Variants in SHANK1 observed in about 807,000 individuals in gnomAD.
SHANK1 encodes SH3 and multiple ankyrin repeat domains protein 1.
A neutral mutation model predicts 165.6 loss-of-function variants in SHANK1; 35 were observed. That is an observed-to-expected ratio of 0.21 (90% CI 0.16 to 0.28). The LOEUF is 0.28. SHANK1 is among the 10% of genes least tolerant of loss of function. The pLI is 1.00. For synonymous variants in SHANK1, 1,428 were observed against 1,384.8 expected, an observed-to-expected ratio of 1.03 and a Z score of -0.69; for missense variants, 2,681 against 3,036.4, an observed-to-expected ratio of 0.88 and a Z score of 2.75.
At chr19:50,684,802 C>A (rs1220518507) in intron 21 of SHANK1, among the ~76,000 whole-genome samples, 3 of 152,106 alleles carry the variant, frequency 2.0e-5, no homozygotes, top group Non-Finnish European at 2.9e-5. Context: ...TTATGCGCCT[C>A]GTGATTTTGA....
In SHANK1 at chr19:50,667,924, C is replaced by T. The variant is rs1427450220; in HGVS notation, c.4036G>A (p.Ala1346Thr). ...RPLVHPLTGK[A>T]LDPASPLGLA... is the part of the protein sequence containing the mutation. ...CCCAGCGGGGAGGCGGGATCCAGGG[C>T]CTTGCCGGTCAGCGGGTGCACCAGG... The change falls in exon 23 of 24, where the codon GCC (alanine) becomes ACC (threonine). Residue 1346 changes from alanine (A) to threonine (T), a missense_variant. Coordinates refer to ENST00000293441, the MANE Select transcript of SHANK1 (RefSeq NM_016148.5). The surrounding 1 kb of genome is among the most constrained non-coding windows in gnomAD (Gnocchi z 5.7). 1.5e-5 allele frequency: 20 copies of T among 1,366,712 alleles called. No homozygotes were observed. Among genetic ancestry groups the T allele is most frequent in the Non-Finnish European group, 1.9e-5 (20 of 1,065,646 alleles). The allele number at this position is 1,366,712 out of a possible 1,614,324, so 84.7% of individuals were successfully genotyped here. A position where few individuals can be genotyped will look rare whatever the true frequency, so the allele number is the denominator to read the frequency against.
rs1479704855 is a variant in SHANK1 at position 50,697,122 on chromosome 19, G to A, written c.1938C>T (p.Ser646=). 6 of 1,612,164 alleles carry A rather than the reference G, an allele frequency of 3.7e-6. No individual in the cohort carries two copies. In the East Asian group the frequency reaches 1.1e-4, roughly 30 times the overall value. The change falls in exon 15 of 24, where the codon AGC becomes AGT. Residue 646 remains serine, a splice_region_variant and synonymous_variant. Coordinates refer to ENST00000293441, the MANE Select transcript of SHANK1 (RefSeq NM_016148.5). The surrounding 1 kb of genome is among the most constrained non-coding windows in gnomAD (Gnocchi z 4.7). ...TCCCTGGGCCAATCCCATCCATTAA[G>A]CTTCCGAAGCAAGTCAGCCAGCAGC... ...VGSYDSFDAP[S]LMDGIGPGSD... is the part of the protein sequence containing the mutation.
rs1985193066 is a variant in SHANK1 at position 50,661,013 on chromosome 19, A to C, written c.*952T>G. On this transcript the variant is annotated 3_prime_UTR_variant, in exon 24 of 24. Transcript: ENST00000293441. ...GTGGAAGAATCTGGGGTTTTTAAGA[A>C]TAAGAAGGGAAAGTGCTTCAACGTA... 6.6e-6 allele frequency among the ~76,000 whole-genome samples: 1 copy of C among 151,962 alleles called. No homozygotes were observed. Among genetic ancestry groups the C allele is most frequent in the Admixed American group, 6.6e-5 (1 of 15,240 alleles).
At chr19:50,674,814 C>G (rs528697444) in intron 21 of SHANK1, among the ~76,000 whole-genome samples, 6 of 152,238 alleles carry the variant, frequency 3.9e-5, no homozygotes, top group Non-Finnish European at 7.4e-5. Context: ...GTAATCCCAG[C>G]ACTTCGGGAG....
In SHANK1 at chr19:50,660,236, C is replaced by T. The variant is rs527587981; in HGVS notation, c.*1729G>A. ...CCCGGGAATAAGCGGAGAGAGGAAG[C>T]GTGCGGGAAGGAACAGCCATGCTGG... is the stretch of plus-strand genomic sequence containing the variant. On this transcript the variant is annotated 3_prime_UTR_variant, in exon 24 of 24. Transcript: ENST00000293441. Among the ~76,000 whole-genome samples, 2 of 85,504 alleles carry T rather than the reference C, an allele frequency of 2.3e-5. No homozygotes were observed. The highest frequency in any genetic ancestry group is 2.2e-4 in the East Asian group (1 of 4,482). 56.1% of individuals were successfully genotyped at this position (85,504 alleles called of 152,430 possible). A position where few individuals can be genotyped will look rare whatever the true frequency, so the allele number is the denominator to read the frequency against.
chr19:50,712,969 T>C (rs1455156465), intron 6 of SHANK1, among the ~76,000 whole-genome samples: 1 of 151,904 alleles, frequency 6.6e-6, no homozygotes, highest in Non-Finnish European at 1.5e-5. Context: ...GTGAGCAGGA[T>C]GTGGGTTTGG....
intron 15 of SHANK1, 71 bp from the exon 16 acceptor site, chr19:50,689,350 G>T: frequency 8.5e-7 from 1 of 1,174,634 alleles, no homozygotes; most frequent in Non-Finnish European, 1.3e-6. Context: ...CACAGAGGCT[G>T]TCCCCCACCC....
Position 50,697,846 on chromosome 19 carries a change from G to C in SHANK1, c.1858C>G (p.Gln620Glu). ...ACTGCTGGGGGTTCCGCATTACCTT[G>C]CTTGCTCTCCTGAGAGCGATTCGCC... ...EVANRSQESK[Q>E]ESRSDKAKRL... Residue 620 changes from glutamine to glutamate, a missense_variant, in exon 13 of 24, where the codon CAA (glutamine) becomes GAA (glutamate). Physicochemically the swap from Gln to Glu is conservative, Grantham distance 29. Coordinates refer to ENST00000293441, the MANE Select transcript of SHANK1 (RefSeq NM_016148.5). The surrounding 1 kb of genome is among the most constrained non-coding windows in gnomAD (Gnocchi z 4.7). 1 of 1,612,050 alleles carries C rather than the reference G, an allele frequency of 6.2e-7. No individual in the cohort carries two copies. Among genetic ancestry groups the C allele is most frequent in the Non-Finnish European group, 8.5e-7 (1 of 1,178,400 alleles).
intron 21 of SHANK1, among the ~76,000 whole-genome samples, chr19:50,685,431 T>C (rs1367389453): frequency 6.6e-6 from 1 of 152,116 alleles, no homozygotes; most frequent in East Asian, 1.9e-4. Flanking sequence ...AGATAATCCA[T>C]ATAAAATTTG....
Position 50,697,501 on chromosome 19 carries a change from G to A in SHANK1, c.1937+88C>T. 1 of 1,038,856 alleles carries A rather than the reference G, an allele frequency of 9.6e-7. No homozygotes were observed. The highest frequency in any genetic ancestry group is 1.5e-6 in the Non-Finnish European group (1 of 656,636). 64.4% of individuals were successfully genotyped at this position (1,038,856 alleles called of 1,614,324 possible). A position where few individuals can be genotyped will look rare whatever the true frequency, so the allele number is the denominator to read the frequency against. ...TGAGAAGGAACAGATTAGAAAGGGG[G>A]CTTAGAGGTGATGGAAATATTTAAA... On this transcript the variant is annotated intron_variant, in intron 14 of 23. Transcript: ENST00000293441. The surrounding 1 kb of genome is among the most constrained non-coding windows in gnomAD (Gnocchi z 4.7).
At chr19:50,714,098 G>A in intron 5 of SHANK1, 84 bp downstream of exon 5, 3 of 1,532,074 alleles carry the variant, frequency 2.0e-6, no homozygotes, top group Non-Finnish European at 2.7e-6. Flanking sequence ...ACACCAGTCA[G>A]GAATGGATGT....
rs747793025 is a variant in SHANK1, at chr19:50,704,491, C to G, written c.1101G>C (p.Leu367=). Residue 367 remains leucine, a synonymous_variant, in exon 9 of 24, where the codon CTG becomes CTC. Transcript: ENST00000293441. ...YNKETCARIL[L]YRGADKDVKN... is the part of the protein sequence containing the mutation. ...TCACATCCTTGTCGGCACCTCGATA[C>G]AGGAGGATCCTGGCACAGGTCTCCT... 5 of 1,614,138 alleles carry G rather than the reference C, an allele frequency of 3.1e-6. No homozygotes were observed. The African/African-American group carries it at 5.3e-5, about 17-fold the overall frequency.
rs1188839671 is a variant in SHANK1 at position 50,672,072 on chromosome 19, G to A, written c.2620C>T (p.Arg874Cys). 15 of 1,613,896 alleles carry A rather than the reference G, an allele frequency of 9.3e-6. No homozygotes were observed. Among genetic ancestry groups the A allele is most frequent in the Non-Finnish European group, 1.3e-5 (15 of 1,179,974 alleles). ...PHHRAQPSYE[R>C]PSFLPPGPGL... ...GGTCCTGGAGGCAGGAAAGAAGGAC[G>A]CTCGTAACTTGGCTGGGCACGGTGG... Residue 874 changes from arginine (R) to cysteine (C), a missense_variant, in exon 22 of 24, where the codon CGT becomes TGT. This residue lies in a region of SHANK1 where 206 missense variants were observed against 216.0 expected (regional missense o/e 0.95). Coordinates refer to ENST00000293441, the MANE Select transcript of SHANK1 (RefSeq NM_016148.5).
intron 23 of SHANK1, among the ~76,000 whole-genome samples, chr19:50,665,423 C>T (rs899833635): frequency 1.5e-4 from 22 of 151,624 alleles, no homozygotes; most frequent in Middle Eastern, 3.2e-3. Flanking sequence ...AAAAATTTGC[C>T]GGGCATGGTG....
In SHANK1 at chr19:50,703,800, G is replaced by T; in HGVS notation, c.1253C>A (p.Ala418Asp). 7.0e-7 allele frequency: 1 copy of T among 1,429,182 alleles called. No homozygotes were observed. 88.5% of individuals were successfully genotyped at this position (1,429,182 alleles called of 1,614,324 possible). Residue 418 changes from alanine to aspartate, a missense_variant, in exon 11 of 24, where the codon GCC (alanine) becomes GAC (aspartate). Around this residue, in one of 10 missense-constraint regions of SHANK1, gnomAD observed 49 missense variants for 55.6 expected, o/e 0.88. Coordinates refer to ENST00000293441, the MANE Select transcript of SHANK1 (RefSeq NM_016148.5). ...VPFQESPKYA[A>D]RRRGPPGTGL... ...TGTGCCTGGGGGCCCCCGTCGCCGGGCCGCGTACTTGGGGGACTCCTGGAA... is the reference window on the plus strand; with the variant it reads ...TGTGCCTGGGGGCCCCCGTCGCCGGTCCGCGTACTTGGGGGACTCCTGGAA...
rs1345967753 is a variant in SHANK1 at position 50,659,350 on chromosome 19, G to A, written c.*2615C>T. On this transcript the variant is annotated 3_prime_UTR_variant, in exon 24 of 24. Coordinates refer to ENST00000293441, the MANE Select transcript of SHANK1 (RefSeq NM_016148.5). ...ATCTTGGTGGGGAGTCAGGGGAAGG[G>A]AGGTGATGGGGGGTAGGAATGAACC... The A allele has an allele frequency of 1.3e-5, 5 of 399,722 alleles. No homozygotes were observed. The highest frequency in any genetic ancestry group is 8.3e-5 in the African/African-American group (4 of 48,128). 24.8% of individuals were successfully genotyped at this position (399,722 alleles called of 1,614,324 possible). A position where few individuals can be genotyped will look rare whatever the true frequency, so the allele number is the denominator to read the frequency against.
rs762292699 is a variant in SHANK1 at position 50,667,647 on chromosome 19, G to A, written c.4313C>T (p.Pro1438Leu). ...GTGTAGCAGGGAACGCCGGGCGGCG[G>A]GCGGGCTGGCGGGAAGGGACTTCTC... ...SQEKSLPASPPAARRSLLHRL... is the reference protein window; with the variant it reads ...SQEKSLPASPLAARRSLLHRL... The change falls in exon 23 of 24, where the codon CCC becomes CTC. Residue 1438 changes from proline to leucine, a missense_variant. This residue lies in a region of SHANK1 where 1,713 missense variants were observed against 1,630.2 expected (regional missense o/e 1.05). Transcript: ENST00000293441. The surrounding 1 kb of genome is among the most constrained non-coding windows in gnomAD (Gnocchi z 5.7). 71 of 1,406,624 alleles carry A rather than the reference G, an allele frequency of 5.0e-5. No homozygotes were observed. The highest frequency in any genetic ancestry group is 6.3e-5 in the Non-Finnish European group (69 of 1,089,994). The allele number at this position is 1,406,624 out of a possible 1,614,324, so 87.1% of individuals were successfully genotyped here.
rs1011824029 is a variant in SHANK1, at chr19:50,713,771, G to A, written c.792+27C>T. On this transcript the variant is annotated intron_variant, in intron 6 of 23. Transcript: ENST00000293441. The surrounding 1 kb of genome is among the most constrained non-coding windows in gnomAD (Gnocchi z 6.2). ...GGAAAAGGAGAGAGGGCCCCATGGC[G>A]GGGATGGGGGGTCCCCGAAGCCTCA... 14 of 1,609,710 alleles carry A rather than the reference G, an allele frequency of 8.7e-6. No individual in the cohort carries two copies. Among genetic ancestry groups the A allele is most frequent in the African/African-American group, 4.0e-5 (3 of 74,790 alleles).
intron 15 of SHANK1, among the ~76,000 whole-genome samples, chr19:50,689,952 C>T (rs115394987): frequency 0.011 from 1,702 of 152,268 alleles, 31 homozygotes; most frequent in African/African-American, 0.039. Context: ...ACTAGGTGCA[C>T]GTGGCTGTTT....
Sources: gnomAD v4.1 joint callset for allele counts (sites outside exome capture counted in the v4.1 genomes callset) on GRCh38, gnomAD v4.1.1 for gene constraint, gnomAD v4.1.1 regional missense constraint, Gnocchi (gnomAD v3.1) non-coding constraint, MANE v1.5 for transcripts, NCBI Gene and HGNC (gene_info 2026-07-23, HGNC 2026-07-21) for gene names.